Variants in SHCBP1L observed in about 807,000 individuals in gnomAD.
SHCBP1L encodes the protein SHC binding and spindle associated 1 like.
A neutral mutation model predicts 62.5 loss-of-function variants in SHCBP1L; 67 were observed. That is an observed-to-expected ratio of 1.07 (90% confidence interval 0.88 to 1.31). The LOEUF (loss-of-function observed/expected upper bound fraction) is 1.31. SHCBP1L is among the 40% of genes most tolerant of loss of function. The pLI is 0.00. For synonymous variants in SHCBP1L, 284 were observed against 289.4 expected, an observed-to-expected ratio of 0.98 and a Z score of 0.19; for missense variants, 823 against 809.8, an observed-to-expected ratio of 1.02 and a Z score of -0.20.
At chr1:182,920,532 A>T (rs1650496343) in intron 6 of SHCBP1L, among the ~76,000 whole-genome samples, 1 of 152,232 alleles carries the variant, frequency 6.6e-6, no homozygotes, top group Non-Finnish European at 1.5e-5. Context: ...TTACCGCCAA[A>T]CAACCACACT....
chr1:182,899,968 A>T lies in SHCBP1L; in HGVS notation c.*15T>A, dbSNP rs781417773. On this transcript the variant is annotated 3_prime_UTR_variant, in exon 10 of 10. Coordinates refer to ENST00000367547, the MANE Select transcript of SHCBP1L (RefSeq NM_030933.4). ...AATTTGTGAAATATAAAACTTTAAC[A>T]TCAATTCAGACGCTTTAACTTGTGA... is the stretch of plus-strand genomic sequence containing the variant. The T allele has an allele frequency of 6.4e-7, 1 of 1,566,980 alleles. No individual in the cohort carries two copies. Among genetic ancestry groups the T allele is most frequent in the Non-Finnish European group, 8.6e-7 (1 of 1,158,628 alleles).
intron 9 of SHCBP1L, 53 bp downstream of exon 9, chr1:182,902,986 T>G (rs1170997388): frequency 7.2e-7 from 1 of 1,390,568 alleles, no homozygotes; most frequent in Non-Finnish European, 9.6e-7. Context: ...TTTTAGTACT[T>G]ATAATTACTT....
chr1:182,925,803 C>T (rs539833432), intron 6 of SHCBP1L, among the ~76,000 whole-genome samples: 1 of 152,114 alleles, frequency 6.6e-6, no homozygotes, highest in African/African-American at 2.4e-5. Context: ...GCAGAAACAA[C>T]TCAGATATCC....
rs1225551905 is a variant in SHCBP1L at position 182,952,496 on chromosome 1, C to T, written c.405+233G>A. On this transcript the variant is annotated intron_variant, in intron 1 of 9. Coordinates refer to ENST00000367547, the MANE Select transcript of SHCBP1L (RefSeq NM_030933.4). ...CAGAAAATTCTCTCTCAGGGCTGTC[C>T]CGTTACCTGACGAATTTTGTCGGAA... 1.2e-5 allele frequency: 6 copies of T among 495,268 alleles called. No individual in the cohort carries two copies. The South Asian group carries it at 1.9e-4, about 16-fold the overall frequency. 30.7% of individuals were successfully genotyped at this position (495,268 alleles called of 1,614,324 possible). A position where few individuals can be genotyped will look rare whatever the true frequency, so the allele number is the denominator to read the frequency against.
At chr1:182,938,643 G>C (rs190842685) in intron 5 of SHCBP1L, among the ~76,000 whole-genome samples, 1 of 151,900 alleles carries the variant, frequency 6.6e-6, no homozygotes, top group African/African-American at 2.4e-5. Flanking sequence ...TTAAAAATCT[G>C]TTTGTTTATT....
At position 182,922,189 on chromosome 1, in the gene SHCBP1L, A is replaced by C. The variant is rs188562311; in HGVS notation, c.1182+7458T>G. Among the ~76,000 whole-genome samples, 984 of 152,328 alleles carry C rather than the reference A, an allele frequency of 6.5e-3. 35 individuals are homozygous for C. The highest frequency in any genetic ancestry group is 0.058 in the Admixed American group (891 of 15,290). ...CCTATCAGGAGACTTAGATAACCACACAACAGTGGTGCAAGACTTCAACAC... is the reference window on the plus strand; with the variant it reads ...CCTATCAGGAGACTTAGATAACCACCCAACAGTGGTGCAAGACTTCAACAC... On this transcript the variant is annotated intron_variant, in intron 6 of 9. Transcript: ENST00000367547.
chr1:182,918,694 C>T (rs1650434706), intron 6 of SHCBP1L, among the ~76,000 whole-genome samples: 1 of 151,968 alleles, frequency 6.6e-6, no homozygotes. Context: ...GGACCCTGAA[C>T]AGCCAAACAA....
chr1:182,931,012 C>T (rs186787607), intron 5 of SHCBP1L, among the ~76,000 whole-genome samples: 2 of 151,412 alleles, frequency 1.3e-5, no homozygotes, highest in East Asian at 3.9e-4. Context: ...AGGCATGAGC[C>T]TGGCCAGTAC....
At chr1:182,950,154 T>C (rs1370365431) in intron 2 of SHCBP1L, among the ~76,000 whole-genome samples, 1 of 152,200 alleles carries the variant, frequency 6.6e-6, no homozygotes, top group East Asian at 1.9e-4. Context: ...TTTCAAGTAG[T>C]ATATAATACA....
At chr1:182,927,850 C>T (rs1489381240) in intron 6 of SHCBP1L, among the ~76,000 whole-genome samples, 2 of 151,790 alleles carry the variant, frequency 1.3e-5, no homozygotes, top group Non-Finnish European at 2.9e-5. Flanking sequence ...TATAATTACA[C>T]AAATGAAAAC....
chr1:182,948,197 T>C (rs908884918), intron 2 of SHCBP1L, among the ~76,000 whole-genome samples: 7 of 152,270 alleles, frequency 4.6e-5, no homozygotes, highest in Middle Eastern at 3.4e-3. Context: ...GAGTCAACAC[T>C]ATGTTTCTAA....
At chr1:182,907,604 A>G (rs1176434175) in intron 6 of SHCBP1L, among the ~76,000 whole-genome samples, 1 of 151,116 alleles carries the variant, frequency 6.6e-6, no homozygotes, top group Non-Finnish European at 1.5e-5. Context: ...TACTATTTTG[A>G]GATGGAGTCT....
chr1:182,902,581 T>A (rs1001142285), intron 9 of SHCBP1L, among the ~76,000 whole-genome samples: 4 of 152,154 alleles, frequency 2.6e-5, no homozygotes, highest in Non-Finnish European at 5.9e-5. Context: ...AAAGACAAGA[T>A]TTATAGAAGC....
chr1:182,904,474 T>C, intron 7 of SHCBP1L, 44 bp from the exon 8 acceptor site: 2 of 1,601,642 alleles, frequency 1.2e-6, no homozygotes, highest in Non-Finnish European at 1.7e-6. Context: ...TAATCTCCCA[T>C]TTTAAGGCCC....
At chr1:182,944,026 C>A (rs1490153999) in intron 2 of SHCBP1L, among the ~76,000 whole-genome samples, 1 of 151,338 alleles carries the variant, frequency 6.6e-6, no homozygotes, top group African/African-American at 2.4e-5. Flanking sequence ...GAGGCTGAGG[C>A]AGGAGAATAG....
At chr1:182,939,620 T>A in intron 3 of SHCBP1L, 67 bp from the exon 4 acceptor site, 1 of 1,125,910 alleles carries the variant, frequency 8.9e-7, no homozygotes, top group Non-Finnish European at 1.3e-6. Context: ...GCTAAATGGA[T>A]ATTCTGATGT....
chr1:182,930,551 GTATATATATATATATATATATATATATA>G lies in SHCBP1L; in HGVS notation c.1077-827_1077-800del, dbSNP rs10536791. 7.1e-4 allele frequency among the ~76,000 whole-genome samples: 35 copies of G among 49,464 alleles called. 2 individuals carry two copies. The highest frequency in any genetic ancestry group is 4.6e-3 in the Admixed American group (19 of 4,096). The allele number at this position is 49,464 out of a possible 152,430, so 32.5% of individuals were successfully genotyped here. On this transcript the variant is annotated intron_variant, in intron 5 of 9. Coordinates refer to ENST00000367547, the MANE Select transcript of SHCBP1L (RefSeq NM_030933.4). ...AAGAGGATGTGGCTTTAGTGTGTGTGTATATATATATATATATATATATATATATATATATATATATATACACATATAT... is the reference window on the plus strand; with the variant it reads ...AAGAGGATGTGGCTTTAGTGTGTGTGTATATATATATATATACACATATAT...
chr1:182,933,248 A>AT (rs149145470), intron 5 of SHCBP1L, among the ~76,000 whole-genome samples: 11,830 of 152,112 alleles, frequency 0.078, 571 homozygotes, highest in South Asian at 0.14. Context: ...TCATTATAGG[A>AT]TTTTCTATAT....
intron 6 of SHCBP1L, among the ~76,000 whole-genome samples, chr1:182,921,294 A>G (rs551436346): frequency 5.9e-5 from 9 of 152,306 alleles, no homozygotes; most frequent in African/African-American, 1.9e-4. Context: ...AAGTGAAGGT[A>G]AGAAAATGCT....
Sources: allele counts gnomAD v4.1 joint callset (sites outside exome capture counted in the v4.1 genomes callset), GRCh38; gene constraint gnomAD v4.1.1; transcripts MANE v1.5; gene names NCBI Gene and HGNC (gene_info 2026-07-23, HGNC 2026-07-21).